The following REL variants were observed in gnomAD, a reference collection of about 807,000 sequenced individuals.
The protein encoded by REL is proto-oncogene c-Rel.
REL carries 15 observed loss-of-function variants against 45.9 expected under a neutral mutation model. The ratio of observed to expected loss-of-function variants is 0.33; its 90% CI spans 0.22 to 0.50. The LOEUF is 0.50. Among genes scored for constraint, REL ranks in the 20% least tolerant of loss-of-function variants. REL has a pLI of 0.98. For synonymous variants in REL, 239 were observed against 242.1 expected (o/e 0.99, Z 0.12); for missense variants, 601 against 715.2 (o/e 0.84, Z 1.82).
At chr2:60,918,632 T>G in intron 7 of REL, 26 bp downstream of exon 7, 1 of 1,511,128 alleles carries the variant, frequency 6.6e-7, no homozygotes, top group Non-Finnish European at 9.2e-7. Flanking sequence ...GGTAATAATT[T>G]ATATATTTCT....
intron 4 of REL, among the ~76,000 whole-genome samples, chr2:60,913,125 A>T (rs954172967): frequency 1.2e-4 from 18 of 152,048 alleles, no homozygotes; most frequent in African/African-American, 4.3e-4. Flanking sequence ...CTAGAATTTG[A>T]TTCCTTTTTT....
rs747768311 is a variant in REL at position 60,920,117 on chromosome 2, T to C, written c.922+8T>C. ...AACTGTGCCAGGATCACGGTAAGAATAGTTTGGATCGATTCATATTTAAAT... is the reference window on the plus strand; with the variant it reads ...AACTGTGCCAGGATCACGGTAAGAACAGTTTGGATCGATTCATATTTAAAT... On this transcript the variant is annotated splice_region_variant and intron_variant, in intron 8 of 9. Transcript: ENST00000394479. 6.3e-7 allele frequency: 1 copy of C among 1,585,242 alleles called. No homozygotes were observed. The highest frequency in any genetic ancestry group is 8.6e-7 in the Non-Finnish European group (1 of 1,159,812).
chr2:60,910,980 A>G (rs1162980635), intron 4 of REL, among the ~76,000 whole-genome samples: 1 of 152,174 alleles, frequency 6.6e-6, no homozygotes, highest in Non-Finnish European at 1.5e-5. Flanking sequence ...ACAGAATAAA[A>G]CACTGCATTT....
Position 60,881,703 on chromosome 2 carries a change from A to G in REL, c.-138A>G, listed in dbSNP as rs967287867. 22 of 625,492 alleles carry G rather than the reference A, an allele frequency of 3.5e-5. No individual in the cohort carries two copies. Among genetic ancestry groups the G allele is most frequent in the Non-Finnish European group, 5.2e-5 (19 of 367,480 alleles). 38.7% of individuals were successfully genotyped at this position (625,492 alleles called of 1,614,324 possible). On this transcript the variant is annotated 5_prime_UTR_variant, in exon 1 of 10. Coordinates refer to ENST00000394479, the MANE Select transcript of REL (RefSeq NM_001291746.2). ...CGCAAACCCAGCGGAGGGCGGGAAG[A>G]AGGAGGAGGCCTCTAGGGTGGTCGG...
chr2:60,892,440 A>G (rs1251241292), intron 2 of REL, among the ~76,000 whole-genome samples: 2 of 152,144 alleles, frequency 1.3e-5, no homozygotes, highest in Admixed American at 6.6e-5. Flanking sequence ...TTATTTATTT[A>G]TTTTTGAGAC....
At position 60,925,611 on chromosome 2, in the gene REL, AG is replaced by A. The variant is rs1214943574; in HGVS notation, c.*3077del. 5.4e-6 allele frequency: 1 copy of A among 185,862 alleles called. No homozygotes were observed. Among genetic ancestry groups the A allele is most frequent in the African/African-American group, 2.3e-5 (1 of 42,646 alleles). The allele number at this position is 185,862 out of a possible 1,614,324, so 11.5% of individuals were successfully genotyped here. A position where few individuals can be genotyped will look rare whatever the true frequency, so the allele number is the denominator to read the frequency against. The stretch of plus-strand genomic sequence containing the variant: ...CATAAATAGAACTTACCAGGGAGAA[AG>A]AAAAACCTGAAGGCACAATTTCTTT... On this transcript the variant is annotated 3_prime_UTR_variant, in exon 10 of 10. Coordinates refer to ENST00000394479, the MANE Select transcript of REL (RefSeq NM_001291746.2).
chr2:60,892,936 G>A (rs1455874131), intron 2 of REL, among the ~76,000 whole-genome samples: 1 of 151,950 alleles, frequency 6.6e-6, no homozygotes, highest in Admixed American at 6.6e-5. Context: ...TGTATTTTTA[G>A]TAGAGACAGG....
intron 3 of REL, among the ~76,000 whole-genome samples, chr2:60,898,301 A>G (rs1338170946): frequency 6.6e-6 from 1 of 152,236 alleles, no homozygotes; most frequent in African/African-American, 2.4e-5. Flanking sequence ...TGGAATAAAG[A>G]CAGCATTCCT....
intron 3 of REL, among the ~76,000 whole-genome samples, chr2:60,895,380 C>T (rs1187308895): frequency 6.6e-6 from 1 of 152,030 alleles, no homozygotes; most frequent in East Asian, 1.9e-4. Context: ...TGGGGTTTTG[C>T]TTGTTGCCGA....
intron 5 of REL, 96 bp from the exon 6 acceptor site, chr2:60,918,095 A>T: frequency 1.4e-6 from 1 of 706,706 alleles, no homozygotes; most frequent in Non-Finnish European, 2.4e-6. Context: ...TAAAACTTTT[A>T]TTCTGTGAAT....
At chr2:60,888,951 G>C (rs970453378) in intron 1 of REL, among the ~76,000 whole-genome samples, 1 of 152,150 alleles carries the variant, frequency 6.6e-6, no homozygotes, top group African/African-American at 2.4e-5. Context: ...CTAAACTGAT[G>C]ACATTGCTTT....
chr2:60,916,356 G>A (rs546257423), intron 4 of REL, among the ~76,000 whole-genome samples: 2 of 152,322 alleles, frequency 1.3e-5, no homozygotes, highest in Admixed American at 1.3e-4. Context: ...GGAGGTTGAG[G>A]TGAACCAAAA....
chr2:60,922,529 A>G lies in REL; in HGVS notation c.1758A>G (p.Gln586=), dbSNP rs750773754. The part of the protein sequence containing the change: ...LSDSFPYEFF[Q]V ...ACTCCTTTCCATATGAATTTTTTCA[A>G]GTATAACTTGCAAGATTTAAATCCT... The change falls in exon 10 of 10, where the codon CAA becomes CAG. Residue 586 remains glutamine (Q), a synonymous_variant. Coordinates refer to ENST00000394479, the MANE Select transcript of REL (RefSeq NM_001291746.2). 13 of 1,596,502 alleles carry G rather than the reference A, an allele frequency of 8.1e-6. No individual in the cohort carries two copies. Among genetic ancestry groups the G allele is most frequent in the African/African-American group, 1.3e-5 (1 of 74,246 alleles).
rs1028167363 is a variant in REL, at chr2:60,923,326, T to C, written c.*791T>C. On this transcript the variant is annotated 3_prime_UTR_variant, in exon 10 of 10. Coordinates refer to ENST00000394479, the MANE Select transcript of REL (RefSeq NM_001291746.2). ...TCAAGGTATGGGAGGTTTTCTACAT[T>C]TTATACTATTTCAATCTATGCCTTT... 1 of 225,488 alleles carries C rather than the reference T, an allele frequency of 4.4e-6. No individual in the cohort carries two copies. Among genetic ancestry groups the C allele is most frequent in the Non-Finnish European group, 8.8e-6 (1 of 113,140 alleles). The allele number at this position is 225,488 out of a possible 1,614,324, so 14.0% of individuals were successfully genotyped here.
At position 60,883,692 on chromosome 2, in the gene REL, A is replaced by T. The variant is rs913661965; in HGVS notation, c.10+1842A>T. Among the ~76,000 whole-genome samples, 5 of 152,272 alleles carry T rather than the reference A, an allele frequency of 3.3e-5. No individual in the cohort carries two copies. The East Asian group carries it at 9.6e-4, about 29-fold the overall frequency. On this transcript the variant is annotated intron_variant, in intron 1 of 9. Transcript: ENST00000394479. ...CCATTTCTATATAGAGTATTGTAAG[A>T]CCCACAGGATTTTAAAATTTGATAC...
chr2:60,920,196 T>G, intron 8 of REL, 87 bp downstream of exon 8: 2 of 1,103,098 alleles, frequency 1.8e-6, no homozygotes, highest in South Asian at 1.4e-5. Flanking sequence ...ATTTTTGTTT[T>G]GTTTTGTTGT....
At chr2:60,893,045 G>A (rs1266748833) in intron 2 of REL, among the ~76,000 whole-genome samples, 2 of 152,156 alleles carry the variant, frequency 1.3e-5, no homozygotes, top group African/African-American at 4.8e-5. Flanking sequence ...GAGCCAACAT[G>A]CCCAGCCCAA....
intron 5 of REL, among the ~76,000 whole-genome samples, chr2:60,917,680 CTGTG>C (rs34038794): frequency 0.16 from 23,365 of 142,022 alleles, 2,283 homozygotes; most frequent in Non-Finnish European, 0.24. Flanking sequence ...CCCCAAAATA[CTGTG>C]TGTGTGTGTG....
At chr2:60,904,074 G>A (rs1015025579) in intron 4 of REL, among the ~76,000 whole-genome samples, 10 of 151,762 alleles carry the variant, frequency 6.6e-5, no homozygotes, top group South Asian at 6.3e-4. Flanking sequence ...AACAGCCTAC[G>A]AAATAGGTAC....
Sources: gnomAD v4.1 joint callset for allele counts (sites outside exome capture counted in the v4.1 genomes callset) on GRCh38, gnomAD v4.1.1 for gene constraint, MANE v1.5 for transcripts, NCBI Gene and HGNC (gene_info 2026-07-23, HGNC 2026-07-21) for gene names.